The following FOXJ3 variants were observed in gnomAD, a reference collection of about 807,000 sequenced individuals.
FOXJ3 encodes the protein forkhead box protein J3.
In FOXJ3, 22 loss-of-function variants were observed where a neutral mutation model predicts 76.1. That is an observed-to-expected ratio of 0.29 (90% CI 0.21 to 0.41). The LOEUF is 0.41. Among genes scored for constraint, FOXJ3 ranks in the 10% least tolerant of loss-of-function variants. The pLI is 1.00. For missense variants in FOXJ3, 613 were observed against 762.1 expected (o/e 0.80, Z 2.30); for synonymous variants, 269 against 261.2 (o/e 1.03, Z -0.29).
chr1:42,221,737 T>C (rs895010912), intron 5 of FOXJ3, among the ~76,000 whole-genome samples: 10 of 151,232 alleles, frequency 6.6e-5, no homozygotes, highest in African/African-American at 2.4e-4. Context: ...AGATATATGT[T>C]CCCTCTTCTA....
chr1:42,249,813 A>G (rs1222330148), intron 4 of FOXJ3, among the ~76,000 whole-genome samples: 2 of 152,326 alleles, frequency 1.3e-5, no homozygotes, highest in South Asian at 2.1e-4. Context: ...GGGAGCTATA[A>G]TAGTGAAATT....
At chr1:42,328,590 A>G (rs527514390) in intron 1 of FOXJ3, among the ~76,000 whole-genome samples, 58 of 152,122 alleles carry the variant, frequency 3.8e-4, no homozygotes, top group Non-Finnish European at 7.4e-4. Flanking sequence ...ATTATTAGAA[A>G]CGAGGCCTTT....
At chr1:42,309,485 T>C (rs1453326682) in intron 2 of FOXJ3, among the ~76,000 whole-genome samples, 2 of 152,212 alleles carry the variant, frequency 1.3e-5, no homozygotes, top group Admixed American at 1.3e-4. Context: ...TCCTATTATT[T>C]CCTATTCCCC....
intron 4 of FOXJ3, among the ~76,000 whole-genome samples, chr1:42,244,237 A>C (rs1380984566): frequency 6.6e-6 from 1 of 152,242 alleles, no homozygotes; most frequent in Non-Finnish European, 1.5e-5. Flanking sequence ...ACAGATTTCA[A>C]ATAAACATCT....
Position 42,178,942 on chromosome 1 carries a change from TA to T in FOXJ3, c.*767del, listed in dbSNP as rs1379846738. 6.6e-6 allele frequency: 1 copy of T among 152,660 alleles called. No homozygotes were observed. Among genetic ancestry groups the T allele is most frequent in the Non-Finnish European group, 1.5e-5 (1 of 68,030 alleles). 9.5% of individuals were successfully genotyped at this position (152,660 alleles called of 1,614,324 possible). The stretch of plus-strand genomic sequence containing the variant: ...GTGAATGTGGAAGCACTGATGTGTT[TA>T]AAGAGCCAAGCAATGCCCAATTTCT... On this transcript the variant is annotated 3_prime_UTR_variant, in exon 13 of 13. Coordinates refer to ENST00000361346, the MANE Select transcript of FOXJ3 (RefSeq NM_014947.5).
chr1:42,272,465 G>A (rs1378872581), intron 3 of FOXJ3, among the ~76,000 whole-genome samples: 1 of 152,194 alleles, frequency 6.6e-6, no homozygotes, highest in Admixed American at 6.5e-5. Context: ...CATGTGCTAG[G>A]CACCAAATAC....
In FOXJ3 at chr1:42,308,416, C is replaced by T. The variant is rs542864996; in HGVS notation, c.44+2634G>A. 2.0e-5 allele frequency among the ~76,000 whole-genome samples: 3 copies of T among 152,202 alleles called. No individual in the cohort carries two copies. The East Asian group carries it at 5.8e-4, about 29-fold the overall frequency. On this transcript the variant is annotated intron_variant, in intron 2 of 12. Coordinates refer to ENST00000361346, the MANE Select transcript of FOXJ3 (RefSeq NM_014947.5). The stretch of plus-strand genomic sequence containing the variant: ...TATTAAGTAATCCAGTTTTTCTTCC[C>T]TTCTTCGTCTCAAAACAATACTGGC...
At position 42,191,432 on chromosome 1, in the gene FOXJ3, T is replaced by A. The variant is rs941033595; in HGVS notation, c.1222A>T (p.Ser408Cys). ...PHPAPHPQQH[S>C]QLQSPHPQHP... is the part of the protein sequence containing the mutation. Reference sequence around the variant, plus strand: ...TGGGGGTGAGGGGACTGGAGCTGGCTGTGTTGCTGTGGGTGTGGTGCTGGG... The same window carrying A: ...TGGGGGTGAGGGGACTGGAGCTGGCAGTGTTGCTGTGGGTGTGGTGCTGGG... Residue 408 changes from serine to cysteine, a missense_variant, in exon 9 of 13, where the codon AGC (serine) becomes TGC (cysteine). Ser to Cys is a moderately radical substitution (Grantham distance 112). Coordinates refer to ENST00000361346, the MANE Select transcript of FOXJ3 (RefSeq NM_014947.5). 9 of 1,612,550 alleles carry A rather than the reference T, an allele frequency of 5.6e-6. No individual in the cohort carries two copies. The highest frequency in any genetic ancestry group is 1.7e-5 in the Admixed American group (1 of 59,976).
intron 2 of FOXJ3, among the ~76,000 whole-genome samples, chr1:42,291,086 A>ACAGACAGACAGACAGACAGATC (rs1653401179): frequency 6.6e-6 from 1 of 151,270 alleles, no homozygotes; most frequent in African/African-American, 2.5e-5. Flanking sequence ...AGATAGATAG[A>ACAGACAGACAGACAGACAGATC]CAGACAGACA....
At position 42,179,655 on chromosome 1, in the gene FOXJ3, C is replaced by A; in HGVS notation, c.*55G>T. ...CTCAACTGGATTCTCTTAAACCTTT[C>A]CCTTCACTGCACAGAAAGGTAACGT... On this transcript the variant is annotated 3_prime_UTR_variant, in exon 13 of 13. Transcript: ENST00000361346. The A allele has an allele frequency of 9.3e-7, 1 of 1,069,802 alleles. No individual in the cohort carries two copies. The allele number at this position is 1,069,802 out of a possible 1,614,324, so 66.3% of individuals were successfully genotyped here.
intron 4 of FOXJ3, among the ~76,000 whole-genome samples, chr1:42,255,856 A>C (rs1262906266): frequency 6.6e-6 from 1 of 152,138 alleles, no homozygotes; most frequent in Non-Finnish European, 1.5e-5. Flanking sequence ...CCCCGTCTCT[A>C]CTAAAAAATG....
At chr1:42,240,913 C>A (rs1291057177) in intron 4 of FOXJ3, among the ~76,000 whole-genome samples, 2 of 152,184 alleles carry the variant, frequency 1.3e-5, no homozygotes, top group Non-Finnish European at 2.9e-5. Context: ...GAAAACAGAT[C>A]TGATACTTGG....
At chr1:42,223,728 T>C (rs561643101) in intron 5 of FOXJ3, among the ~76,000 whole-genome samples, 2 of 152,242 alleles carry the variant, frequency 1.3e-5, no homozygotes, top group Non-Finnish European at 2.9e-5. Context: ...TACTTAATTA[T>C]ATATGTTTGA....
At chr1:42,309,001 CAAAAA>C (rs59583552) in intron 2 of FOXJ3, among the ~76,000 whole-genome samples, 1 of 103,850 alleles carries the variant, frequency 9.6e-6, no homozygotes, top group African/African-American at 3.7e-5. Flanking sequence ...AGTCGTTTTA[CAAAAA>C]AAAAAAAAAA....
intron 2 of FOXJ3, among the ~76,000 whole-genome samples, chr1:42,307,790 A>G (rs1397162072): frequency 2.6e-5 from 4 of 152,200 alleles, no homozygotes; most frequent in African/African-American, 9.6e-5. Context: ...TAATTCACAT[A>G]TAATATCTAC....
At chr1:42,295,060 A>AGCTTTTTTAAAACTAG (rs1653693891) in intron 2 of FOXJ3, among the ~76,000 whole-genome samples, 1 of 152,154 alleles carries the variant, frequency 6.6e-6, no homozygotes, top group Admixed American at 6.5e-5. Context: ...AACCAAGCGA[A>AGCTTTTTTAAAACTAG]GCTTTTTTAA....
chr1:42,333,947 A>C (rs1461120540), intron 1 of FOXJ3, among the ~76,000 whole-genome samples: 1 of 152,196 alleles, frequency 6.6e-6, no homozygotes, highest in East Asian at 1.9e-4. Flanking sequence ...ACACACAAAT[A>C]AATCTCAGAA....
chr1:42,281,605 T>C (rs1404424879), intron 2 of FOXJ3, among the ~76,000 whole-genome samples: 1 of 152,228 alleles, frequency 6.6e-6, no homozygotes, highest in Non-Finnish European at 1.5e-5. Context: ...TTCTGTTCTG[T>C]TTGCAATTTC....
intron 2 of FOXJ3, among the ~76,000 whole-genome samples, chr1:42,286,570 A>C (rs1360596914): frequency 1.3e-5 from 2 of 152,234 alleles, no homozygotes; most frequent in African/African-American, 4.8e-5. Context: ...TCCAACACAT[A>C]GTAACTGCTC....
Sources: allele counts gnomAD v4.1 joint callset (sites outside exome capture counted in the v4.1 genomes callset), GRCh38; gene constraint gnomAD v4.1.1; transcripts MANE v1.5; gene names NCBI Gene and HGNC (gene_info 2026-07-23, HGNC 2026-07-21).